Variants in CNOT4 observed in about 807,000 individuals in gnomAD.
The protein encoded by CNOT4 is CCR4-associated factor 4.
Under a neutral mutation model 73.8 loss-of-function variants are expected in CNOT4, and 8 were observed. That is an observed-to-expected ratio of 0.11 (90% CI 0.06 to 0.20). The LOEUF is 0.20. Among genes scored for constraint, CNOT4 ranks in the 10% least tolerant of loss-of-function variants. CNOT4 has a pLI of 1.00. For synonymous variants in CNOT4, 293 were observed against 321.1 expected, an observed-to-expected ratio of 0.91 and a Z score of 0.94; for missense variants, 564 against 883.4, an observed-to-expected ratio of 0.64 and a Z score of 4.58.
At chr7:135,400,028 T>C (rs2129483626) in intron 7 of CNOT4, among the ~76,000 whole-genome samples, 1 of 152,034 alleles carries the variant, frequency 6.6e-6, no homozygotes, top group East Asian at 1.9e-4. Context: ...GCAAAGCTAC[T>C]ACAAGTGGGG....
intron 1 of CNOT4, among the ~76,000 whole-genome samples, chr7:135,496,550 T>C (rs533057712): frequency 1.3e-5 from 2 of 152,168 alleles, no homozygotes; most frequent in South Asian, 2.1e-4. Flanking sequence ...AACTTCGTAT[T>C]GGACTATGTC....
At position 135,431,646 on chromosome 7, in the gene CNOT4, G is replaced by A. The variant is rs530149483; in HGVS notation, c.174+6512C>T. On this transcript the variant is annotated intron_variant, in intron 2 of 11. Coordinates refer to ENST00000541284, the MANE Select transcript of CNOT4 (RefSeq NM_001190850.2). ...TAGTCCCAGCTACTCCAGAGGCTGA[G>A]GCAGGAGAATCACTTGAACCCGGCA... is the stretch of plus-strand genomic sequence containing the variant. Among the ~76,000 whole-genome samples the A allele has an allele frequency of 6.0e-4, 91 of 152,158 alleles. 1 individual carries two copies. The highest frequency in any genetic ancestry group is 1.9e-3 in the African/African-American group (77 of 41,490).
intron 2 of CNOT4, among the ~76,000 whole-genome samples, chr7:135,426,305 T>C (rs1387837710): frequency 6.6e-6 from 1 of 150,842 alleles, no homozygotes; most frequent in East Asian, 2.0e-4. Flanking sequence ...AAAATGGATA[T>C]AAAGAAAAAT....
chr7:135,442,512 T>C (rs963257809), intron 1 of CNOT4, among the ~76,000 whole-genome samples: 3 of 152,070 alleles, frequency 2.0e-5, no homozygotes, highest in African/African-American at 7.2e-5. Flanking sequence ...AAAAGGAGAA[T>C]TGCTTGAACA....
At chr7:135,494,514 A>G (rs1293964482) in intron 1 of CNOT4, among the ~76,000 whole-genome samples, 2 of 149,774 alleles carry the variant, frequency 1.3e-5, no homozygotes, top group African/African-American at 4.9e-5. Context: ...CACTTTGAAC[A>G]CTTTTCTCCA....
intron 10 of CNOT4, among the ~76,000 whole-genome samples, chr7:135,385,964 AG>A (rs1796098719): frequency 6.6e-6 from 1 of 152,186 alleles, no homozygotes; most frequent in Non-Finnish European, 1.5e-5. Context: ...AGTACACAAA[AG>A]TAACACATGG....
chr7:135,453,917 C>T (rs1399261446), intron 1 of CNOT4, among the ~76,000 whole-genome samples: 4 of 141,908 alleles, frequency 2.8e-5, no homozygotes, highest in Non-Finnish European at 6.1e-5. Context: ...GCAGGTGGAT[C>T]GCTTGAGCTC....
intron 10 of CNOT4, among the ~76,000 whole-genome samples, chr7:135,389,157 C>CAAAAAAAAAAA (rs11292254): frequency 1.2e-5 from 1 of 83,666 alleles, no homozygotes; most frequent in African/African-American, 4.5e-5. Context: ...AACATACTAC[C>CAAAAAAAAAAA]AAAAAAAAAA....
intron 6 of CNOT4, among the ~76,000 whole-genome samples, chr7:135,413,153 C>A (rs574485729): frequency 1.3e-5 from 2 of 152,076 alleles, no homozygotes; most frequent in Non-Finnish European, 2.9e-5. Context: ...TAGCATTTCC[C>A]AAAGTGTTTT....
chr7:135,434,403 C>A (rs1176092594), intron 2 of CNOT4, among the ~76,000 whole-genome samples: 5 of 152,182 alleles, frequency 3.3e-5, no homozygotes, highest in Admixed American at 3.3e-4. Flanking sequence ...ACCAGGAGAC[C>A]AAGAAGAGGT....
intron 10 of CNOT4, among the ~76,000 whole-genome samples, chr7:135,380,879 C>A (rs1167313099): frequency 6.6e-6 from 1 of 152,144 alleles, no homozygotes; most frequent in Admixed American, 6.5e-5. Context: ...TTATTCATAG[C>A]TCTGAAGTGT....
chr7:135,429,575 C>T (rs181442494), intron 2 of CNOT4, among the ~76,000 whole-genome samples: 2 of 152,218 alleles, frequency 1.3e-5, no homozygotes, highest in Non-Finnish European at 2.9e-5. Context: ...TCAAACATCC[C>T]GAGTCCACTT....
chr7:135,489,520 C>T (rs188271980), intron 1 of CNOT4, among the ~76,000 whole-genome samples: 2 of 151,782 alleles, frequency 1.3e-5, no homozygotes, highest in Admixed American at 1.3e-4. Flanking sequence ...CTCAGCCTCC[C>T]GAGTAGCTGG....
intron 1 of CNOT4, among the ~76,000 whole-genome samples, chr7:135,494,125 G>A (rs940542590): frequency 6.6e-6 from 1 of 150,598 alleles, no homozygotes; most frequent in Non-Finnish European, 1.5e-5. Flanking sequence ...TCTTTGAGAA[G>A]GTAAAGTCCT....
intron 1 of CNOT4, among the ~76,000 whole-genome samples, chr7:135,439,246 T>C (rs1401061950): frequency 6.6e-6 from 1 of 152,210 alleles, no homozygotes; most frequent in East Asian, 1.9e-4. Context: ...TAATCTATAA[T>C]TCTATAGTAA....
rs12055980 is a variant in CNOT4, at chr7:135,458,391, T to C, written c.-92-19968A>G. Among the ~76,000 whole-genome samples the C allele has an allele frequency of 5.1e-3, 778 of 152,220 alleles. 23 individuals are homozygous for C. In the East Asian group the frequency reaches 0.091, roughly 18 times the overall value. The stretch of plus-strand genomic sequence containing the variant: ...TTGCCTTGATGTTGATGGCTGCTGA[T>C]TGATCAGGGTGGTCGTTGCCAAAAG... On this transcript the variant is annotated intron_variant, in intron 1 of 11. Coordinates refer to ENST00000541284, the MANE Select transcript of CNOT4 (RefSeq NM_001190850.2).
intron 2 of CNOT4, among the ~76,000 whole-genome samples, chr7:135,430,403 T>G (rs1309580095): frequency 6.6e-6 from 1 of 152,110 alleles, no homozygotes; most frequent in Non-Finnish European, 1.5e-5. Flanking sequence ...TTTAGGAGGC[T>G]GAGGCAGGAG....
intron 3 of CNOT4, among the ~76,000 whole-genome samples, chr7:135,418,290 C>A (rs770572132): frequency 6.6e-6 from 1 of 152,182 alleles, no homozygotes; most frequent in African/African-American, 2.4e-5. Context: ...TTCTAGTGAA[C>A]TAACAAAGGT....
chr7:135,373,543 C>T (rs2129482647), intron 10 of CNOT4, among the ~76,000 whole-genome samples: 1 of 152,246 alleles, frequency 6.6e-6, no homozygotes. Flanking sequence ...GAAGAAATGG[C>T]AGACTCTGGA....
Sources: allele counts gnomAD v4.1 joint callset (sites outside exome capture counted in the v4.1 genomes callset), GRCh38; gene constraint gnomAD v4.1.1; transcripts MANE v1.5; gene names NCBI Gene and HGNC (gene_info 2026-07-23, HGNC 2026-07-21).